ROBO2: variants seen among roughly 807,000 people sequenced by gnomAD.
The protein encoded by ROBO2 is roundabout homolog 2.
Under a neutral mutation model 160.8 loss-of-function variants are expected in ROBO2, and 53 were observed. That is an observed-to-expected ratio of 0.33 (90% CI 0.26 to 0.41). The LOEUF (loss-of-function observed/expected upper bound fraction) is 0.41. ROBO2 is among the 10% of genes least tolerant of loss of function. ROBO2 has a pLI of 1.00. For missense variants in ROBO2, 1,577 were observed against 1,722.4 expected, an observed-to-expected ratio of 0.92 and a Z score of 1.49; for synonymous variants, 664 against 611.7, an observed-to-expected ratio of 1.09 and a Z score of -1.26.
rs748905267 is a variant in ROBO2 at position 77,644,687 on chromosome 3, T to G, written c.3935-17T>G. 21 of 1,611,934 alleles carry G rather than the reference T, an allele frequency of 1.3e-5. No individual in the cohort carries two copies. The highest frequency in any genetic ancestry group is 1.8e-5 in the Non-Finnish European group (21 of 1,178,630). The stretch of plus-strand genomic sequence containing the variant: ...GTTTCTGTTCAATTTAGCCTTTGGG[T>G]TTTTTTTCTTTTTCAGAGGAGGCCT... On this transcript the variant is annotated splice_polypyrimidine_tract_variant and intron_variant, in intron 24 of 25. Transcript: ENST00000461745.
intron 2 of ROBO2, among the ~76,000 whole-genome samples, chr3:76,821,177 A>G (rs2066091526): frequency 6.6e-6 from 1 of 152,012 alleles, no homozygotes; most frequent in Admixed American, 6.6e-5. Context: ...TGTGGCTTCT[A>G]TGTGCTGGTA....
In ROBO2 at chr3:76,925,210, C is replaced by CAA. The variant is rs147022230; in HGVS notation, c.110-172784_110-172783dup. ...TGGGCGACAGAGCGAGACTCCGTCT[C>CAA]AAAAAAAAAAAAAAAAAAAAATCTG... On this transcript the variant is annotated intron_variant, in intron 2 of 26. Coordinates refer to the ROBO2 transcript ENST00000487694. Among the ~76,000 whole-genome samples, 24 of 61,780 alleles carry CAA rather than the reference C, an allele frequency of 3.9e-4. 2 individuals carry two copies. The highest frequency in any genetic ancestry group is 9.9e-4 in the African/African-American group (15 of 15,224). 40.5% of individuals were successfully genotyped at this position (61,780 alleles called of 152,430 possible). A position where few individuals can be genotyped will look rare whatever the true frequency, so the allele number is the denominator to read the frequency against.
intron 9 of ROBO2, among the ~76,000 whole-genome samples, chr3:77,562,225 A>T (rs2153661784): frequency 6.6e-6 from 1 of 152,292 alleles, no homozygotes; most frequent in Non-Finnish European, 1.5e-5. Flanking sequence ...ATTGAAACAT[A>T]GTTTATTTGA....
chr3:77,339,671 A>G (rs1389115904), intron 2 of ROBO2, among the ~76,000 whole-genome samples: 1 of 152,102 alleles, frequency 6.6e-6, no homozygotes, highest in Non-Finnish European at 1.5e-5. Context: ...AGCCATTATT[A>G]TCATGTCCCT....
At chr3:76,478,134 A>C (rs921710006) in intron 2 of ROBO2, among the ~76,000 whole-genome samples, 6 of 149,192 alleles carry the variant, frequency 4.0e-5, no homozygotes, top group Non-Finnish European at 3.0e-5. Context: ...CCATTAACTC[A>C]TCATTTAACA....
chr3:76,871,935 C>G (rs182709420), intron 2 of ROBO2, among the ~76,000 whole-genome samples: 71 of 152,330 alleles, frequency 4.7e-4, no homozygotes, highest in South Asian at 8.3e-4. Context: ...AAGGCTGCAA[C>G]TCAGCAGTAA....
chr3:77,497,307 G>A (rs2086921846), intron 5 of ROBO2, among the ~76,000 whole-genome samples: 1 of 152,088 alleles, frequency 6.6e-6, no homozygotes, highest in Non-Finnish European at 1.5e-5. Context: ...TGAGAATAAA[G>A]TGAGTAGGAG....
chr3:77,282,939 G>A (rs1282799451), intron 2 of ROBO2, among the ~76,000 whole-genome samples: 1 of 147,006 alleles, frequency 6.8e-6, no homozygotes, highest in Non-Finnish European at 1.5e-5. Context: ...ATAACTGATG[G>A]CATAAAGAGG....
chr3:76,520,882 C>T (rs1450861349), intron 2 of ROBO2, among the ~76,000 whole-genome samples: 1 of 152,094 alleles, frequency 6.6e-6, no homozygotes, highest in Admixed American at 6.5e-5. Flanking sequence ...TGTAACCTTT[C>T]ATATCTGGAC....
chr3:76,794,220 G>A (rs775985553), intron 2 of ROBO2, among the ~76,000 whole-genome samples: 3 of 151,584 alleles, frequency 2.0e-5, no homozygotes, highest in Non-Finnish European at 2.9e-5. Flanking sequence ...AACTGTAAAG[G>A]GAACAAATTT....
At chr3:76,849,314 T>A (rs1265523305) in intron 2 of ROBO2, among the ~76,000 whole-genome samples, 1 of 152,176 alleles carries the variant, frequency 6.6e-6, no homozygotes, top group Non-Finnish European at 1.5e-5. Context: ...TGTCTTAGAA[T>A]CTCATATTTG....
At chr3:77,456,079 C>T (rs141545414) in intron 2 of ROBO2, among the ~76,000 whole-genome samples, 8 of 152,156 alleles carry the variant, frequency 5.3e-5, no homozygotes, top group Non-Finnish European at 1.2e-4. Context: ...ACCTTGAATT[C>T]TTAGCATCCT....
chr3:76,956,761 A>C (rs539762456), intron 2 of ROBO2, among the ~76,000 whole-genome samples: 2 of 152,134 alleles, frequency 1.3e-5, no homozygotes, highest in South Asian at 4.1e-4. Context: ...CCTGTAGAAC[A>C]TTTGTTAAAA....
At chr3:76,355,832 G>A (rs764412847) in intron 2 of ROBO2, among the ~76,000 whole-genome samples, 2 of 151,580 alleles carry the variant, frequency 1.3e-5, no homozygotes, top group South Asian at 2.1e-4. Context: ...ATTATTCAGA[G>A]GTTTACTTTG....
At chr3:76,353,715 T>G (rs2075006492) in intron 2 of ROBO2, among the ~76,000 whole-genome samples, 1 of 151,996 alleles carries the variant, frequency 6.6e-6, no homozygotes, top group African/African-American at 2.4e-5. Context: ...AACCTGTTCT[T>G]TGAGAACATC....
chr3:76,542,403 T>C (rs1333044494), intron 2 of ROBO2, among the ~76,000 whole-genome samples: 2 of 152,158 alleles, frequency 1.3e-5, no homozygotes, highest in Non-Finnish European at 2.9e-5. Context: ...CCTGTAAAGA[T>C]GGGAAGTCCA....
intron 2 of ROBO2, among the ~76,000 whole-genome samples, chr3:76,306,338 TAA>T (rs2071338839): frequency 6.6e-6 from 1 of 151,980 alleles, no homozygotes; most frequent in Non-Finnish European, 1.5e-5. Flanking sequence ...ATTCAATCAT[TAA>T]AAGTCTAGTA....
chr3:77,466,617 T>G (rs993665070), intron 2 of ROBO2, among the ~76,000 whole-genome samples: 20 of 152,164 alleles, frequency 1.3e-4, no homozygotes, highest in African/African-American at 4.8e-4. Flanking sequence ...TTCTACTCTA[T>G]TCGGAGATTT....
intron 5 of ROBO2, among the ~76,000 whole-genome samples, chr3:77,496,621 T>C (rs2086821226): frequency 6.6e-6 from 1 of 152,102 alleles, no homozygotes; most frequent in South Asian, 2.1e-4. Context: ...TTGAATAAGG[T>C]TTGTGTAGTG....
Sources: gnomAD v4.1 joint callset for allele counts (sites outside exome capture counted in the v4.1 genomes callset) on GRCh38, gnomAD v4.1.1 for gene constraint, MANE v1.5 for transcripts, NCBI Gene and HGNC (gene_info 2026-07-23, HGNC 2026-07-21) for gene names.